Variants in PAXX observed in about 807,000 individuals in gnomAD.
The protein encoded by PAXX is protein PAXX.
PAXX carries 27 observed loss-of-function variants against 25.6 expected under a neutral mutation model. That is an observed-to-expected ratio of 1.06 (90% CI 0.78 to 1.46). The LOEUF is 1.46. PAXX is among the 40% of genes most tolerant of loss of function. PAXX has a pLI of 0.00. For synonymous variants in PAXX, 126 were observed against 125.7 expected (o/e 1.00, Z -0.02); for missense variants, 295 against 280.2 (o/e 1.05, Z -0.38).
rs1444946639 is a variant in PAXX at position 136,992,696 on chromosome 9, C to T, written c.176C>T (p.Ala59Val). The T allele has an allele frequency of 2.6e-6, 4 of 1,540,602 alleles. No individual in the cohort carries two copies. Among genetic ancestry groups the T allele is most frequent in the Non-Finnish European group, 3.5e-6 (4 of 1,146,966 alleles). Residue 59 changes from alanine to valine, a missense_variant, in exon 2 of 7, where the codon GCC becomes GTC. Coordinates refer to ENST00000371620, the MANE Select transcript of PAXX (RefSeq NM_183241.3). ...STCFTPDSLAALKARFGLSAA... is the reference protein window; with the variant it reads ...STCFTPDSLAVLKARFGLSAA... ...TGCTTCACGCCGGACAGCCTGGCGG[C>T]CCTCGTGGGTAACTGGGCGGGTCTG... is the stretch of plus-strand genomic sequence containing the variant.
At chr9:136,993,001 G>A (rs147836713) in intron 3 of PAXX, 27 bp downstream of exon 3, 11 of 1,613,218 alleles carry the variant, frequency 6.8e-6, no homozygotes, top group South Asian at 1.1e-5. Flanking sequence ...GAGGAAGGAC[G>A]GGTGGGGAGG....
chr9:136,992,805 C>T lies in PAXX; in HGVS notation c.180+105C>T. On this transcript the variant is annotated intron_variant, in intron 2 of 6. Coordinates refer to ENST00000371620, the MANE Select transcript of PAXX (RefSeq NM_183241.3). ...ATTCCCCAGAAGGCTCTGACACCCT[C>T]TGCCCGCCCTGTAGCTGTAGTCCTC... 3 of 1,590,748 alleles carry T rather than the reference C, an allele frequency of 1.9e-6. 1 individual carries two copies. In the South Asian group the frequency reaches 3.3e-5, roughly 18 times the overall value.
In PAXX at chr9:136,993,034, C is replaced by T. The variant is rs376845706; in HGVS notation, c.231-19C>T. 23 of 1,612,690 alleles carry T rather than the reference C, an allele frequency of 1.4e-5. No homozygotes were observed. Among genetic ancestry groups the T allele is most frequent in the Admixed American group, 3.3e-5 (2 of 60,006 alleles). On this transcript the variant is annotated intron_variant, in intron 3 of 6. Coordinates refer to ENST00000371620, the MANE Select transcript of PAXX (RefSeq NM_183241.3). ...AGGAGGAGGGTCTGCCACAGCTCTC[C>T]GCACCTCTCCTCTCCCAGGGCAGCC... is the stretch of plus-strand genomic sequence containing the variant.
chr9:136,992,697 C>T lies in PAXX; in HGVS notation c.177C>T (p.Ala59=). 2 of 1,540,758 alleles carry T rather than the reference C, an allele frequency of 1.3e-6. No homozygotes were observed. Among genetic ancestry groups the T allele is most frequent in the South Asian group, 1.2e-5 (1 of 84,314 alleles). ...GCTTCACGCCGGACAGCCTGGCGGC[C>T]CTCGTGGGTAACTGGGCGGGTCTGG... The part of the protein sequence containing the change: ...STCFTPDSLA[A]LKARFGLSAA... The change falls in exon 2 of 7, where the codon GCC becomes GCT. Residue 59 remains alanine, a synonymous_variant. Coordinates refer to ENST00000371620, the MANE Select transcript of PAXX (RefSeq NM_183241.3).
In PAXX at chr9:136,993,382, G is replaced by A. The variant is rs761201559; in HGVS notation, c.461G>A (p.Arg154Gln). 1.9e-6 allele frequency: 3 copies of A among 1,606,058 alleles called. No individual in the cohort carries two copies. Among genetic ancestry groups the A allele is most frequent in the South Asian group, 1.1e-5 (1 of 90,090 alleles). Residue 154 changes from arginine to glutamine, a missense_variant, in exon 5 of 7, where the codon CGG becomes CAG. By Grantham distance (43) the Arg-to-Gln change is conservative. Coordinates refer to ENST00000371620, the MANE Select transcript of PAXX (RefSeq NM_183241.3). ...ETAVSPRKSP[R>Q]PAGPQLFLPD... ...GCTGTCAGCCCGAGGAAGAGCCCCC[G>A]GCCTGCAGGGCCTCAGCTCTTCTTA...
In PAXX at chr9:136,993,668, C is replaced by T; in HGVS notation, c.575+4C>T. The T allele has an allele frequency of 6.2e-7, 1 of 1,613,684 alleles. No individual in the cohort carries two copies. Among genetic ancestry groups the T allele is most frequent in the Non-Finnish European group, 8.5e-7 (1 of 1,179,920 alleles). ...TCATCAACCCCGGGTTCAAGAGGTA[C>T]CCTCCCACAGCCCCCTTCCTGCGCC... On this transcript the variant is annotated splice_donor_region_variant and intron_variant, in intron 6 of 6. Coordinates refer to ENST00000371620, the MANE Select transcript of PAXX (RefSeq NM_183241.3).
Position 136,993,422 on chromosome 9 carries a change from T to C in PAXX, c.490+11T>C. 6.2e-7 allele frequency: 1 copy of C among 1,604,092 alleles called. No homozygotes were observed. The highest frequency in any genetic ancestry group is 1.7e-4 in the Middle Eastern group (1 of 6,052). Reference sequence around the variant, plus strand: ...AGCTCTTCTTACCAGGTAAGGCATGTCCGCCTGTGACTCAAGTAGGGCTGT... The same window carrying C: ...AGCTCTTCTTACCAGGTAAGGCATGCCCGCCTGTGACTCAAGTAGGGCTGT... On this transcript the variant is annotated intron_variant, in intron 5 of 6. Coordinates refer to ENST00000371620, the MANE Select transcript of PAXX (RefSeq NM_183241.3).
Position 136,993,059 on chromosome 9 carries a change from C to T in PAXX, c.237C>T (p.Ala79=). ...AEDITPRFRA[A]CEQQAVALTL... is the part of the protein sequence containing the mutation. ...CGCACCTCTCCTCTCCCAGGGCAGC[C>T]TGTGAGCAGCAAGCTGTGGCTCTGA... The change falls in exon 4 of 7, where the codon GCC becomes GCT. Residue 79 remains alanine (A), a synonymous_variant. Transcript: ENST00000371620. 6.2e-7 allele frequency: 1 copy of T among 1,612,166 alleles called. No individual in the cohort carries two copies. The highest frequency in any genetic ancestry group is 8.5e-7 in the Non-Finnish European group (1 of 1,179,710).
In PAXX at chr9:136,992,623, C is replaced by G. The variant is rs961318268; in HGVS notation, c.120-17C>G. On this transcript the variant is annotated splice_polypyrimidine_tract_variant and intron_variant, in intron 1 of 6. Coordinates refer to ENST00000371620, the MANE Select transcript of PAXX (RefSeq NM_183241.3). ...GAGCTCCGCGGGCGGCCCCGCCTGA[C>G]AGGCCTTCTCCCCCAGCGTGACCGA... 7.0e-5 allele frequency: 107 copies of G among 1,538,626 alleles called. No individual in the cohort carries two copies. The highest frequency in any genetic ancestry group is 8.7e-5 in the Non-Finnish European group (100 of 1,143,592).
At chr9:136,992,811 G>T in intron 2 of PAXX, 111 bp downstream of exon 2, 2 of 1,591,836 alleles carry the variant, frequency 1.3e-6, no homozygotes, top group Non-Finnish European at 1.7e-6. Context: ...CCCTCTGCCC[G>T]CCCTGTAGCT....
chr9:136,992,827 C>A, intron 2 of PAXX, 98 bp from the exon 3 acceptor site: 2 of 1,595,850 alleles, frequency 1.3e-6, no homozygotes, highest in South Asian at 2.2e-5. Flanking sequence ...TAGCTGTAGT[C>A]CTCCCATTGG....
chr9:136,992,832 C>G (rs1183123888), intron 2 of PAXX, 93 bp from the exon 3 acceptor site: 1 of 1,598,480 alleles, frequency 6.3e-7, no homozygotes, highest in Admixed American at 1.7e-5. Context: ...GTAGTCCTCC[C>G]ATTGGCTAGG....
intron 1 of PAXX, 35 bp from the exon 2 acceptor site, chr9:136,992,605 G>A (rs1830601767): frequency 1.3e-6 from 2 of 1,531,076 alleles, no homozygotes; most frequent in Non-Finnish European, 1.8e-6. Context: ...AGGGAGCTCC[G>A]CGGGCGGCCC....
chr9:136,993,859 G>A lies in PAXX; in HGVS notation c.*54G>A. 1 of 1,588,860 alleles carries A rather than the reference G, an allele frequency of 6.3e-7. No individual in the cohort carries two copies. The highest frequency in any genetic ancestry group is 1.1e-5 in the South Asian group (1 of 90,202). Reference sequence around the variant, plus strand: ...GAGTCCGCCTATGAGGGGAGAGGCAGTCTTTGAGGCCCCCATCAGAGACCC... The same window carrying A: ...GAGTCCGCCTATGAGGGGAGAGGCAATCTTTGAGGCCCCCATCAGAGACCC... On this transcript the variant is annotated 3_prime_UTR_variant, in exon 7 of 7. Transcript: ENST00000371620.
chr9:136,992,469 G>C lies in PAXX; in HGVS notation c.26G>C (p.Cys9Ser). 7.3e-7 allele frequency: 1 copy of C among 1,378,456 alleles called. No homozygotes were observed. Among genetic ancestry groups the C allele is most frequent in the South Asian group, 1.6e-5 (1 of 62,302 alleles). 85.4% of individuals were successfully genotyped at this position (1,378,456 alleles called of 1,614,324 possible). Residue 9 changes from cysteine to serine, a missense_variant, in exon 1 of 7, where the codon TGC becomes TCC. Coordinates refer to ENST00000371620, the MANE Select transcript of PAXX (RefSeq NM_183241.3). MDPLSPPL[C>S]TLPPGPEPPR... Reference sequence around the variant, plus strand: ...ATGGATCCGCTGTCGCCGCCGCTCTGCACGCTGCCGCCGGGCCCCGAGCCG... The same window carrying C: ...ATGGATCCGCTGTCGCCGCCGCTCTCCACGCTGCCGCCGGGCCCCGAGCCG...
Position 136,993,824 on chromosome 9 carries a change from GC to G in PAXX, c.*23del, listed in dbSNP as rs1462784085. ...GACCTGAAGGTGCAGCACAAGCGTG[GC>G]CCCGCGGGGAGTCCGCCTATGAGGG... On this transcript the variant is annotated 3_prime_UTR_variant, in exon 7 of 7. Coordinates refer to ENST00000371620, the MANE Select transcript of PAXX (RefSeq NM_183241.3). 2 of 1,612,762 alleles carry G rather than the reference GC, an allele frequency of 1.2e-6. No individual in the cohort carries two copies. Among genetic ancestry groups the G allele is most frequent in the Non-Finnish European group, 1.7e-6 (2 of 1,179,968 alleles).
Position 136,993,091 on chromosome 9 carries a change from A to G in PAXX, c.269A>G (p.Gln90Arg), listed in dbSNP as rs1369201728. Reference protein sequence around the residue: ...CEQQAVALTLQEDRASLTLSG... With the variant: ...CEQQAVALTLREDRASLTLSG... ...CAGCAAGCTGTGGCTCTGACTCTGC[A>G]GGAGGACAGAGCATCCCTGACGCTT... Residue 90 changes from glutamine (Q) to arginine (R), a missense_variant, in exon 4 of 7, where the codon CAG (glutamine) becomes CGG (arginine). Gln to Arg is a conservative substitution (Grantham distance 43). Transcript: ENST00000371620. 3.1e-6 allele frequency: 5 copies of G among 1,610,308 alleles called. No individual in the cohort carries two copies. The highest frequency in any genetic ancestry group is 2.2e-5 in the East Asian group (1 of 44,894).
In PAXX at chr9:136,992,491, G is replaced by T; in HGVS notation, c.48G>T (p.Glu16Asp). 7.2e-7 allele frequency: 1 copy of T among 1,391,604 alleles called. No homozygotes were observed. Among genetic ancestry groups the T allele is most frequent in the Non-Finnish European group, 9.3e-7 (1 of 1,070,378 alleles). 86.2% of individuals were successfully genotyped at this position (1,391,604 alleles called of 1,614,324 possible). Residue 16 changes from glutamate to aspartate, a missense_variant, in exon 1 of 7, where the codon GAG (glutamate) becomes GAT (aspartate). By Grantham distance (45) the Glu-to-Asp change is conservative (BLOSUM62 2). Coordinates refer to ENST00000371620, the MANE Select transcript of PAXX (RefSeq NM_183241.3). ...PPLCTLPPGPEPPRFVCYCEG... is the reference protein window; with the variant it reads ...PPLCTLPPGPDPPRFVCYCEG... ...TCTGCACGCTGCCGCCGGGCCCCGA[G>T]CCGCCCCGCTTCGTGTGCTACTGCG...
chr9:136,992,610 C>A, intron 1 of PAXX, 30 bp from the exon 2 acceptor site: 1 of 1,532,036 alleles, frequency 6.5e-7, no homozygotes. Flanking sequence ...GCTCCGCGGG[C>A]GGCCCCGCCT....
Sources: allele counts gnomAD v4.1 joint callset, GRCh38; gene constraint gnomAD v4.1.1; transcripts MANE v1.5; gene names NCBI Gene and HGNC (gene_info 2026-07-23, HGNC 2026-07-21).